Variants in CREBBP observed in about 807,000 individuals in gnomAD.
The protein encoded by CREBBP is CREB-binding protein.
Under a neutral mutation model 265.0 loss-of-function variants are expected in CREBBP, and 19 were observed. The ratio of observed to expected loss-of-function variants is 0.07; its 90% CI spans 0.05 to 0.11. The LOEUF is 0.11. CREBBP is among the 10% of genes least tolerant of loss of function. The probability of loss-of-function intolerance (pLI) is 1.00; values close to 1 mark genes in which losing one functional copy is unlikely to be tolerated. For synonymous variants in CREBBP, 1,457 were observed against 1,223.7 expected (o/e 1.19, Z -3.98); for missense variants, 2,525 against 3,219.0 (o/e 0.78, Z 5.22).
intron 28 of CREBBP, among the ~76,000 whole-genome samples, chr16:3,735,705 G>T (rs1456301397): frequency 6.6e-6 from 1 of 152,162 alleles, no homozygotes; most frequent in Non-Finnish European, 1.5e-5. Flanking sequence ...CACCAAACAC[G>T]GAATAAGGCC....
intron 3 of CREBBP, among the ~76,000 whole-genome samples, chr16:3,794,056 G>A (rs182206672): frequency 4.6e-5 from 7 of 150,540 alleles, no homozygotes; most frequent in Middle Eastern, 7.6e-3. Flanking sequence ...GGCCGAGCGC[G>A]TTGGCTCACG....
At chr16:3,844,718 A>G (rs960839523) in intron 2 of CREBBP, among the ~76,000 whole-genome samples, 5 of 152,176 alleles carry the variant, frequency 3.3e-5, no homozygotes, top group African/African-American at 1.2e-4. Context: ...AATCTCCTGA[A>G]AACGTATTAG....
At chr16:3,816,554 T>C (rs1357516154) in intron 2 of CREBBP, among the ~76,000 whole-genome samples, 3 of 152,230 alleles carry the variant, frequency 2.0e-5, no homozygotes, top group Admixed American at 6.5e-5. Context: ...CATTAAATCC[T>C]GTGGCTGCGG....
At position 3,727,106 on chromosome 16, in the gene CREBBP, C is replaced by T; in HGVS notation, c.*612G>A. The T allele has an allele frequency of 4.3e-6, 1 of 234,040 alleles. No individual in the cohort carries two copies. The highest frequency in any genetic ancestry group is 8.4e-6 in the Non-Finnish European group (1 of 118,368). 14.5% of individuals were successfully genotyped at this position (234,040 alleles called of 1,614,324 possible). On this transcript the variant is annotated 3_prime_UTR_variant, in exon 31 of 31. Coordinates refer to ENST00000262367, the MANE Select transcript of CREBBP (RefSeq NM_004380.3). ...AGCAACAATTTCTACATCTGCAAGA[C>T]AAGTTTGGCTTCAGCCATTATGTAT... is the stretch of plus-strand genomic sequence containing the variant.
chr16:3,796,906 G>A (rs1278667167), intron 3 of CREBBP, among the ~76,000 whole-genome samples: 1 of 152,164 alleles, frequency 6.6e-6, no homozygotes, highest in Non-Finnish European at 1.5e-5. Flanking sequence ...AATGTCTTAT[G>A]TCCCTGTCTC....
intron 2 of CREBBP, among the ~76,000 whole-genome samples, chr16:3,824,257 G>A (rs184449806): frequency 1.7e-4 from 26 of 152,412 alleles, no homozygotes; most frequent in African/African-American, 5.8e-4. Context: ...ACAGTTGACC[G>A]AGGCTACGCC....
chr16:3,828,935 C>T (rs138729452), intron 2 of CREBBP, among the ~76,000 whole-genome samples: 4 of 152,186 alleles, frequency 2.6e-5, no homozygotes, highest in African/African-American at 9.6e-5. Context: ...TAGGCATGTC[C>T]TTTTCTGCTC....
intron 3 of CREBBP, among the ~76,000 whole-genome samples, chr16:3,802,557 T>C (rs757350487): frequency 4.6e-5 from 7 of 152,140 alleles, no homozygotes; most frequent in Non-Finnish European, 1.0e-4. Context: ...GCTAAGGACA[T>C]AACAGAGATG....
chr16:3,851,110 A>T, intron 1 of CREBBP, 101 bp from the exon 2 acceptor site: 1 of 952,650 alleles, frequency 1.0e-6, no homozygotes, highest in Non-Finnish European at 1.7e-6. Flanking sequence ...ATTCAGCACG[A>T]ACACTAGCAT....
intron 13 of CREBBP, 70 bp downstream of exon 13, chr16:3,773,681 A>G (rs774937588): frequency 1.9e-6 from 3 of 1,549,180 alleles, no homozygotes; most frequent in Non-Finnish European, 2.6e-6. Context: ...GGAAGACAGA[A>G]AAAAAAAACC....
chr16:3,736,858 A>G, intron 26 of CREBBP, 43 bp from the exon 27 acceptor site: 1 of 1,612,458 alleles, frequency 6.2e-7, no homozygotes, highest in South Asian at 1.1e-5. Flanking sequence ...GTGCCAGTGA[A>G]ATCGGCCCTG....
At chr16:3,810,481 T>G in intron 3 of CREBBP, 122 bp downstream of exon 3, 2 of 1,165,540 alleles carry the variant, frequency 1.7e-6, no homozygotes, top group Non-Finnish European at 2.6e-6. Flanking sequence ...GAAATCTGGG[T>G]TCTCTTCCTA....
At position 3,758,915 on chromosome 16, in the gene CREBBP, C is replaced by T. The variant is rs2052646527; in HGVS notation, c.3308G>A (p.Arg1103Gln). ...ALMPTLEALY[R>Q]QDPESLPFRQ... The stretch of plus-strand genomic sequence containing the variant: ...GAAAGGTAATGACTCTGGGTCCTGT[C>T]GATACAGTGCTTCTAGGGTTGGCAT... The change falls in exon 17 of 31, where the codon CGA becomes CAA. Residue 1103 changes from arginine to glutamine, a missense_variant. Arg to Gln is a conservative substitution (Grantham distance 43). Around this residue, in one of 19 missense-constraint regions of CREBBP, gnomAD observed 12 missense variants for 24.9 expected, o/e 0.48. Coordinates refer to ENST00000262367, the MANE Select transcript of CREBBP (RefSeq NM_004380.3). 1 of 1,612,902 alleles carries T rather than the reference C, an allele frequency of 6.2e-7. No individual in the cohort carries two copies. The highest frequency in any genetic ancestry group is 1.3e-5 in the African/African-American group (1 of 74,864).
In CREBBP at chr16:3,731,152, C is replaced by A. The variant is rs2151315535; in HGVS notation, c.5172+40G>T. The A allele has an allele frequency of 6.3e-7, 1 of 1,598,534 alleles. No individual in the cohort carries two copies. Among genetic ancestry groups the A allele is most frequent in the Non-Finnish European group, 8.5e-7 (1 of 1,171,906 alleles). On this transcript the variant is annotated intron_variant, in intron 30 of 30. Coordinates refer to ENST00000262367, the MANE Select transcript of CREBBP (RefSeq NM_004380.3). This position sits in a 1 kb window ranked among gnomAD's most constrained non-coding sequence, Gnocchi z 7.7. ...AAGGGACAGGATGCTTCGTCAGACC[C>A]CAGGCCGGCTGTGGGGGTGGGGGTG... is the stretch of plus-strand genomic sequence containing the variant.
chr16:3,758,136 G>A (rs897511005), intron 17 of CREBBP, 88 bp from the exon 18 acceptor site: 1 of 1,406,714 alleles, frequency 7.1e-7, no homozygotes, highest in Non-Finnish European at 9.8e-7. Flanking sequence ...TAAAATAATA[G>A]AAACAGAAAG....
intron 30 of CREBBP, 144 bp from the exon 31 acceptor site, chr16:3,730,018 G>T: frequency 7.3e-7 from 1 of 1,364,036 alleles, no homozygotes. Flanking sequence ...ATGCGAGCAC[G>T]GACAGGTGGG....
intron 2 of CREBBP, among the ~76,000 whole-genome samples, chr16:3,848,131 C>G (rs2054707611): frequency 6.6e-6 from 1 of 150,932 alleles, no homozygotes; most frequent in Non-Finnish European, 1.5e-5. Flanking sequence ...GATGGTGCCA[C>G]TGCACTCCAG....
intron 16 of CREBBP, among the ~76,000 whole-genome samples, chr16:3,765,559 T>C (rs1299092169): frequency 6.6e-6 from 1 of 152,244 alleles, no homozygotes; most frequent in Non-Finnish European, 1.5e-5. Context: ...CTGACAGTAT[T>C]TGTTGCCAAT....
intron 2 of CREBBP, among the ~76,000 whole-genome samples, chr16:3,815,035 G>A (rs130054): frequency 2.0e-5 from 3 of 152,170 alleles, no homozygotes; most frequent in African/African-American, 2.4e-5. Flanking sequence ...CTAGCCTGCA[G>A]TTATGAATAA....
Sources: allele counts gnomAD v4.1 joint callset (sites outside exome capture counted in the v4.1 genomes callset), GRCh38; gene constraint gnomAD v4.1.1; regional missense constraint gnomAD v4.1.1; non-coding constraint Gnocchi (gnomAD v3.1); transcripts MANE v1.5; gene names NCBI Gene and HGNC (gene_info 2026-07-23, HGNC 2026-07-21).